TNRC6C: variants seen among roughly 807,000 people sequenced by gnomAD.
The protein encoded by TNRC6C is trinucleotide repeat-containing gene 6C protein.
In TNRC6C, 20 loss-of-function variants were observed where a neutral mutation model predicts 153.7. The ratio of observed to expected loss-of-function variants is 0.13; its 90% confidence interval spans 0.09 to 0.19. The LOEUF (loss-of-function observed/expected upper bound fraction) is 0.19, where lower values mean the gene tolerates loss of function less well. Ranked by LOEUF, TNRC6C falls within the 10% of genes least tolerant of loss-of-function variation. The pLI is 1.00. For synonymous variants in TNRC6C, 811 were observed against 841.4 expected, an observed-to-expected ratio of 0.96 and a Z score of 0.63; for missense variants, 1,987 against 2,172.0, an observed-to-expected ratio of 0.91 and a Z score of 1.69.
intron 1 of TNRC6C, among the ~76,000 whole-genome samples, chr17:77,993,949 G>T (rs113830419): frequency 0.043 from 6,505 of 152,072 alleles, 447 homozygotes; most frequent in African/African-American, 0.15. Context: ...TTCCAGCACT[G>T]TAGGAGGCTG....
At chr17:78,088,191 A>G (rs1480554611) in intron 13 of TNRC6C, among the ~76,000 whole-genome samples, 1 of 152,186 alleles carries the variant, frequency 6.6e-6, no homozygotes, top group Non-Finnish European at 1.5e-5. Flanking sequence ...AATGTGGTAT[A>G]TCTTTAATAT....
chr17:78,055,752 T>C (rs1460599482), intron 3 of TNRC6C, among the ~76,000 whole-genome samples: 1 of 152,170 alleles, frequency 6.6e-6, no homozygotes, highest in African/African-American at 2.4e-5. Flanking sequence ...GGTCTGGCCA[T>C]GGTTGGCAGT....
chr17:78,071,052 A>C (rs2072984616), intron 5 of TNRC6C, 33 bp from the exon 8 acceptor site: 2 of 1,570,530 alleles, frequency 1.3e-6, no homozygotes, highest in South Asian at 1.2e-5. Flanking sequence ...AATGTAGCTC[A>C]TGGACTTCCC....
At chr17:78,048,792 C>G in intron 2 of TNRC6C, 53 bp from the exon 5 acceptor site, 1 of 1,230,968 alleles carries the variant, frequency 8.1e-7, no homozygotes, top group African/African-American at 1.5e-5. Context: ...ACAGTTGATT[C>G]ATTGACAAAT....
chr17:77,972,540 G>T (rs1442407190), intron 1 of TNRC6C, among the ~76,000 whole-genome samples: 2 of 151,322 alleles, frequency 1.3e-5, no homozygotes, highest in Admixed American at 1.3e-4. Context: ...TGAAAGAGGG[G>T]ACATGACTGC....
At chr17:77,962,292 C>T (rs1367537701) in intron 1 of TNRC6C, among the ~76,000 whole-genome samples, 1 of 152,086 alleles carries the variant, frequency 6.6e-6, no homozygotes, top group African/African-American at 2.4e-5. Context: ...TGGCCTTCCC[C>T]AATAGGAATT....
At chr17:78,036,526 A>G (rs1490505417) in intron 2 of TNRC6C, among the ~76,000 whole-genome samples, 2 of 152,182 alleles carry the variant, frequency 1.3e-5, no homozygotes, top group Non-Finnish European at 2.9e-5. Flanking sequence ...GAAAGTTTTT[A>G]AAGAGTTAAA....
At chr17:78,073,750 GT>G (rs1340786310) in intron 7 of TNRC6C, among the ~76,000 whole-genome samples, 3 of 152,024 alleles carry the variant, frequency 2.0e-5, no homozygotes, top group Non-Finnish European at 2.9e-5. Context: ...TGTTTTATAT[GT>G]TTTTCTGTTT....
chr17:78,104,745 T>C lies in TNRC6C; in HGVS notation c.4973T>C (p.Leu1658Pro), dbSNP rs1419192061. The C allele has an allele frequency of 3.3e-6, 5 of 1,509,794 alleles. No homozygotes were observed. The highest frequency in any genetic ancestry group is 4.4e-6 in the Non-Finnish European group (5 of 1,130,504). The allele number at this position is 1,509,794 out of a possible 1,614,324, so 93.5% of individuals were successfully genotyped here. A position where few individuals can be genotyped will look rare whatever the true frequency, so the allele number is the denominator to read the frequency against. The change falls in exon 20 of 20, where the codon CTG (leucine) becomes CCG (proline). Residue 1658 changes from leucine to proline, a missense_variant. Leu to Pro is a moderately conservative substitution (Grantham distance 98, BLOSUM62 -3). Transcript: ENST00000301624. This position sits in a 1 kb window ranked among gnomAD's most constrained non-coding sequence, Gnocchi z 6.2. ...GGGGTGCCCCAGTACTCCAGCAGCC[T>C]GTGGGGCCCGCCCAGCGCCGACGAC...
At chr17:77,993,194 T>C (rs943273796) in intron 1 of TNRC6C, among the ~76,000 whole-genome samples, 18 of 152,148 alleles carry the variant, frequency 1.2e-4, no homozygotes, top group African/African-American at 4.1e-4. Context: ...ATTCCTGACC[T>C]CAGGTAATCC....
At position 78,075,810 on chromosome 17, in the gene TNRC6C, C is replaced by T. The variant is rs2073073843; in HGVS notation, c.3060+532C>T. ...GTTGTCATGTAATGATGTCCCCATGCCAGACTGGTGTGACTGCAAAGCGGA... is the reference window on the plus strand; with the variant it reads ...GTTGTCATGTAATGATGTCCCCATGTCAGACTGGTGTGACTGCAAAGCGGA... On this transcript the variant is annotated intron_variant, in intron 8 of 19. Coordinates refer to ENST00000301624, the Ensembl canonical transcript of TNRC6C. This position sits in a 1 kb window ranked among gnomAD's most constrained non-coding sequence, Gnocchi z 4.2. 6.6e-6 allele frequency among the ~76,000 whole-genome samples: 1 copy of T among 152,034 alleles called. No homozygotes were observed.
At chr17:78,107,054 GTTCTATATA>G (rs2073710256) in exon 20 of TNRC6C, 1 of 152,040 alleles carries the variant, frequency 6.6e-6, no homozygotes, top group African/African-American at 2.4e-5. Flanking sequence ...CATTACATGC[GTTCTATATA>G]TTCGATGGAC....
chr17:78,051,088 G>T (rs1194285022), exon 3 of TNRC6C: 2 of 1,599,656 alleles, frequency 1.3e-6, no homozygotes, highest in South Asian at 1.1e-5. Context: ...AGACAACAAT[G>T]TGAGTAACTG....
intron 1 of TNRC6C, among the ~76,000 whole-genome samples, chr17:78,028,809 T>C (rs1030374703): frequency 1.3e-5 from 2 of 152,254 alleles, no homozygotes; most frequent in Non-Finnish European, 2.9e-5. Flanking sequence ...AAACCAGTGA[T>C]GTTTACAAAT....
chr17:78,093,550 CTTT>C (rs2073429690), intron 15 of TNRC6C, 67 bp from the exon 18 acceptor site: 1 of 1,574,166 alleles, frequency 6.4e-7, no homozygotes, highest in Admixed American at 1.8e-5. Flanking sequence ...GACAAAACAT[CTTT>C]TAAAATTTCG....
chr17:78,070,536 T>C (rs1297916270), intron 5 of TNRC6C, among the ~76,000 whole-genome samples: 1 of 152,146 alleles, frequency 6.6e-6, no homozygotes, highest in Non-Finnish European at 1.5e-5. Flanking sequence ...CTGACCTTTT[T>C]CCTCATCCTC....
rs772313022 is a variant in TNRC6C, at chr17:78,075,207, G to T, written c.2989G>T (p.Ala997Ser). 13 of 1,599,546 alleles carry T rather than the reference G, an allele frequency of 8.1e-6. No individual in the cohort carries two copies. Among genetic ancestry groups the T allele is most frequent in the Admixed American group, 3.5e-5 (2 of 57,514 alleles). ...AGTGACCGACCATAATGGAATGGCC[G>T]CCAAGCCCCTCGGCTGCCGCCCGCC... The change falls in exon 8 of 20, where the codon GCC (alanine) becomes TCC (serine). Residue 997 changes from alanine to serine, a missense_variant. Ala to Ser is a moderately conservative substitution (Grantham distance 99). Transcript: ENST00000301624. This position sits in a 1 kb window ranked among gnomAD's most constrained non-coding sequence, Gnocchi z 4.2.
At chr17:78,055,129 A>C (rs2072627037) in intron 3 of TNRC6C, among the ~76,000 whole-genome samples, 1 of 152,264 alleles carries the variant, frequency 6.6e-6, no homozygotes, top group Non-Finnish European at 1.5e-5. Flanking sequence ...AAAAGATTAA[A>C]AGATACTTTC....
Position 78,093,140 on chromosome 17 carries a change from A to G in TNRC6C, c.4162+16A>G, listed in dbSNP as rs1377584074. 6.2e-7 allele frequency: 1 copy of G among 1,610,406 alleles called. No individual in the cohort carries two copies. The highest frequency in any genetic ancestry group is 8.5e-7 in the Non-Finnish European group (1 of 1,178,780). ...TGGCCCCCAGGTAAGACCATGCAAC[A>G]CTTCTGTGCAACAGCAGCAGGTCAG... On this transcript the variant is annotated intron_variant, in intron 15 of 19. Transcript: ENST00000301624.
Sources: gnomAD v4.1 joint callset for allele counts (sites outside exome capture counted in the v4.1 genomes callset) on GRCh38, gnomAD v4.1.1 for gene constraint, Gnocchi (gnomAD v3.1) non-coding constraint, MANE v1.5 for transcripts, NCBI Gene and HGNC (gene_info 2026-07-23, HGNC 2026-07-21) for gene names.